Variants in SUGCT observed in about 807,000 individuals in gnomAD.
SUGCT encodes the protein succinyl-CoA:glutarate CoA-transferase.
SUGCT carries 41 observed loss-of-function variants against 55.0 expected under a neutral mutation model. The observed-to-expected ratio is 0.74, with a 90% confidence interval of 0.58 to 0.97. The LOEUF (loss-of-function observed/expected upper bound fraction) is 0.97. Among genes scored for constraint, SUGCT ranks in the 50% least tolerant of loss-of-function variants. The pLI is 0.00. For missense variants in SUGCT, 568 were observed against 547.8 expected (o/e 1.04, Z -0.37); for synonymous variants, 187 against 200.4 (o/e 0.93, Z 0.56).
At chr7:40,465,318 T>TGGGGTG in intron 11 of SUGCT, among the ~76,000 whole-genome samples, 2 of 152,130 alleles carry the variant, frequency 1.3e-5, no homozygotes, top group Non-Finnish European at 2.9e-5. Flanking sequence ...TTAGGCTGGG[T>TGGGGTG]GCGGTGGCTG....
chr7:40,819,546 T>A (rs1791867989), intron 13 of SUGCT, among the ~76,000 whole-genome samples: 1 of 152,242 alleles, frequency 6.6e-6, no homozygotes, highest in Admixed American at 6.5e-5. Flanking sequence ...TTTGGCTGCA[T>A]AAATGTCTTC....
chr7:40,764,455 G>A (rs1482708496), intron 13 of SUGCT, among the ~76,000 whole-genome samples: 1 of 152,042 alleles, frequency 6.6e-6, no homozygotes, highest in Non-Finnish European at 1.5e-5. Flanking sequence ...TCCATAGCAG[G>A]ATTTAAGCAG....
In SUGCT at chr7:40,663,619, C is replaced by T. The variant is rs187050450; in HGVS notation, c.1090-85815C>T. On this transcript the variant is annotated intron_variant, in intron 12 of 13. Coordinates refer to ENST00000335693, the MANE Select transcript of SUGCT (RefSeq NM_001193313.2). The stretch of plus-strand genomic sequence containing the variant: ...TGTATGTTCCTAAATTAATCCATCC[C>T]GTAGGCATGACCAGTAACCTGTTTC... 9.9e-5 allele frequency among the ~76,000 whole-genome samples: 15 copies of T among 152,002 alleles called. 1 individual carries two copies. The highest frequency in any genetic ancestry group is 4.6e-4 in the Admixed American group (7 of 15,256).
the SUGCT span, among the ~76,000 whole-genome samples, chr7:40,921,761 G>C: frequency 1.2e-3 from 183 of 152,260 alleles, 2 homozygotes; most frequent in African/African-American, 4.3e-3. Context: ...GCCTCAGCTC[G>C]AAAGTGAGGT....
intron 9 of SUGCT, among the ~76,000 whole-genome samples, chr7:40,413,949 CT>C (rs914588143): frequency 3.3e-5 from 5 of 151,328 alleles, no homozygotes; most frequent in Non-Finnish European, 4.4e-5. Flanking sequence ...TGACTGCATT[CT>C]TTTTTTTTAT....
the SUGCT span, among the ~76,000 whole-genome samples, chr7:41,017,495 G>A: frequency 2.0e-5 from 3 of 152,140 alleles, no homozygotes; most frequent in African/African-American, 7.2e-5. Context: ...TGGAGGCCGG[G>A]TGCGGTGGCT....
the SUGCT span, among the ~76,000 whole-genome samples, chr7:40,912,599 G>A: frequency 1.3e-5 from 2 of 152,082 alleles, no homozygotes; most frequent in African/African-American, 2.4e-5. Context: ...AACTTATCCT[G>A]TGTATTTTCC....
intron 6 of SUGCT, among the ~76,000 whole-genome samples, chr7:40,204,772 GA>G (rs902328161): frequency 2.4e-4 from 34 of 143,068 alleles, no homozygotes; most frequent in Middle Eastern, 3.6e-3. Context: ...GAAAAAATTT[GA>G]AAAAAAAAAA....
intron 11 of SUGCT, among the ~76,000 whole-genome samples, chr7:40,489,611 G>A (rs1791570723): frequency 6.6e-6 from 1 of 152,076 alleles, no homozygotes; most frequent in Non-Finnish European, 1.5e-5. Flanking sequence ...AACCCAGGAG[G>A]TCGAGGTTGC....
intron 3 of SUGCT, among the ~76,000 whole-genome samples, chr7:40,182,294 C>T (rs560019954): frequency 6.6e-6 from 1 of 152,268 alleles, no homozygotes; most frequent in South Asian, 2.1e-4. Flanking sequence ...AGGCTGGGCA[C>T]AGTGGTTGAC....
At chr7:40,517,717 T>C (rs1342458349) in intron 12 of SUGCT, among the ~76,000 whole-genome samples, 1 of 152,114 alleles carries the variant, frequency 6.6e-6, no homozygotes, top group Non-Finnish European at 1.5e-5. Context: ...GCTCTGAGGA[T>C]GATTTATAGA....
intron 12 of SUGCT, among the ~76,000 whole-genome samples, chr7:40,674,893 G>C (rs777177619): frequency 5.3e-5 from 8 of 152,094 alleles, no homozygotes; most frequent in Admixed American, 1.3e-4. Context: ...GATGCAGAAG[G>C]TGGAGGTGAG....
the SUGCT span, among the ~76,000 whole-genome samples, chr7:40,868,126 T>G: frequency 6.6e-6 from 1 of 152,344 alleles, no homozygotes; most frequent in East Asian, 1.9e-4. Flanking sequence ...ACGTGCCTCC[T>G]TCTTGCAAGA....
chr7:40,316,721 A>G (rs1795451218), intron 8 of SUGCT, 39 bp from the exon 9 acceptor site: 2 of 1,285,560 alleles, frequency 1.6e-6, no homozygotes, highest in South Asian at 1.3e-5. Flanking sequence ...TAGATAAACT[A>G]GCTGTTCTAT....
the SUGCT span, among the ~76,000 whole-genome samples, chr7:40,885,209 G>C: frequency 7.2e-4 from 109 of 152,184 alleles, 1 homozygote; most frequent in East Asian, 0.019. Context: ...ATACTTGCAG[G>C]CTCCAGCGTT....
the SUGCT span, among the ~76,000 whole-genome samples, chr7:41,026,982 A>G: frequency 6.6e-6 from 1 of 152,234 alleles, no homozygotes; most frequent in African/African-American, 2.4e-5. Flanking sequence ...CAGTGAGCCG[A>G]GATCATGCCA....
chr7:40,280,521 C>T, intron 8 of SUGCT, among the ~76,000 whole-genome samples: 1 of 152,146 alleles, frequency 6.6e-6, no homozygotes, highest in East Asian at 1.9e-4. Flanking sequence ...TTTTTAGCAC[C>T]ATAATTATTT....
chr7:41,035,066 C>T, the SUGCT span, among the ~76,000 whole-genome samples: 2 of 152,194 alleles, frequency 1.3e-5, no homozygotes, highest in African/African-American at 4.8e-5. Context: ...TTCTTCTTTG[C>T]CACCAGCTGC....
chr7:40,191,925 T>C (rs1226817585), intron 5 of SUGCT, among the ~76,000 whole-genome samples: 1 of 152,020 alleles, frequency 6.6e-6, no homozygotes, highest in Non-Finnish European at 1.5e-5. Context: ...CTGGCCAACA[T>C]GGTGAAACCC....
Sources: allele counts gnomAD v4.1 joint callset (sites outside exome capture counted in the v4.1 genomes callset), GRCh38; gene constraint gnomAD v4.1.1; transcripts MANE v1.5; gene names NCBI Gene and HGNC (gene_info 2026-07-23, HGNC 2026-07-21).